Variants in LTN1 observed in about 807,000 individuals in gnomAD.
LTN1 encodes listerin E3 ubiquitin protein ligase 1.
Under a neutral mutation model 201.2 loss-of-function variants are expected in LTN1, and 88 were observed. The ratio of observed to expected loss-of-function variants is 0.44; its 90% CI spans 0.37 to 0.52. LTN1 has a LOEUF of 0.52. Ranked by LOEUF, LTN1 falls within the 20% of genes least tolerant of loss-of-function variation. The pLI, the probability that LTN1 is intolerant of heterozygous loss-of-function variation, is 0.00. For synonymous variants in LTN1, 645 were observed against 713.5 expected, an observed-to-expected ratio of 0.90 and a Z score of 1.53; for missense variants, 1,752 against 2,038.7, an observed-to-expected ratio of 0.86 and a Z score of 2.71.
At chr21:28,934,507 G>A (rs910487639) in intron 27 of LTN1, among the ~76,000 whole-genome samples, 7 of 152,078 alleles carry the variant, frequency 4.6e-5, no homozygotes, top group African/African-American at 7.2e-5. Context: ...ACACCTCCCC[G>A]CCTCTCTCCC....
At position 28,944,421 on chromosome 21, in the gene LTN1, A is replaced by T; in HGVS notation, c.3944T>A (p.Ile1315Asn). 2 of 1,613,952 alleles carry T rather than the reference A, an allele frequency of 1.2e-6. No homozygotes were observed. The change falls in exon 22 of 30, where the codon ATC (isoleucine) becomes AAC (asparagine). Residue 1315 changes from isoleucine to asparagine, a missense_variant. Ile to Asn is a moderately radical substitution (Grantham distance 149). Coordinates refer to ENST00000361371, the MANE Select transcript of LTN1 (RefSeq NM_015565.3). ...SEWKEFFSQG[I>N]HSLLLPILVT... ...CAAAATAGGTAAAAGCAAACTGTGG[A>T]TGCCTTGGGAAAAAAATTCTTTCCA...
chr21:28,965,990 C>T, intron 10 of LTN1, 84 bp from the exon 11 acceptor site: 1 of 857,534 alleles, frequency 1.2e-6, no homozygotes, highest in Middle Eastern at 2.3e-4. Context: ...CCAGGCTAGT[C>T]TAGAACTCAT....
At chr21:28,958,277 G>A (rs2084443006) in intron 14 of LTN1, 109 bp downstream of exon 14, 4 of 1,009,814 alleles carry the variant, frequency 4.0e-6, no homozygotes, top group Admixed American at 2.8e-5. Flanking sequence ...TTATAGGGAC[G>A]AGCCCTACAA....
At chr21:28,954,163 T>C (rs2084406120) in intron 16 of LTN1, among the ~76,000 whole-genome samples, 1 of 152,232 alleles carries the variant, frequency 6.6e-6, no homozygotes, top group South Asian at 2.1e-4. Context: ...AAATTATTAC[T>C]CTACTTACTA....
intron 14 of LTN1, 147 bp downstream of exon 14, chr21:28,958,239 C>T (rs2084442506): frequency 3.0e-6 from 2 of 669,652 alleles, no homozygotes; most frequent in Middle Eastern, 2.7e-4. Context: ...AACTGATCCT[C>T]CCACCTCAGC....
intron 25 of LTN1, 73 bp from the exon 26 acceptor site, chr21:28,936,770 T>C: frequency 8.6e-7 from 1 of 1,157,808 alleles, no homozygotes; most frequent in Non-Finnish European, 1.2e-6. Context: ...CAACTCAAAG[T>C]GTAACAAATT....
At chr21:28,930,641 G>A (rs990422552) in intron 29 of LTN1, 131 bp from the exon 30 acceptor site, 3 of 549,134 alleles carry the variant, frequency 5.5e-6, no homozygotes, top group African/African-American at 2.0e-5. Context: ...TAAAATTTTT[G>A]CTCTTTCTGT....
At chr21:28,936,729 C>A in intron 25 of LTN1, 32 bp from the exon 26 acceptor site, 2 of 1,540,014 alleles carry the variant, frequency 1.3e-6, no homozygotes, top group Non-Finnish European at 1.8e-6. Context: ...GTTAGTAAAC[C>A]AAATACACCA....
chr21:28,977,939 A>C (rs964624949), intron 6 of LTN1, among the ~76,000 whole-genome samples: 1 of 152,112 alleles, frequency 6.6e-6, no homozygotes, highest in Non-Finnish European at 1.5e-5. Context: ...AAAAAAAAAA[A>C]AGACATATCA....
At chr21:28,980,963 A>G (rs1226188683) in intron 6 of LTN1, among the ~76,000 whole-genome samples, 156 bp downstream of exon 6, 1 of 152,236 alleles carries the variant, frequency 6.6e-6, no homozygotes, top group Admixed American at 6.5e-5. Flanking sequence ...AAAACAGAGT[A>G]ACATTCTAGT....
rs2084196601 is a variant in LTN1 at position 28,929,773 on chromosome 21, G to A, written c.*675C>T. 6.6e-6 allele frequency: 1 copy of A among 151,928 alleles called. No homozygotes were observed. The highest frequency in any genetic ancestry group is 1.5e-5 in the Non-Finnish European group (1 of 67,982). 9.4% of individuals were successfully genotyped at this position (151,928 alleles called of 1,614,324 possible). The stretch of plus-strand genomic sequence containing the variant: ...ACAATTCAAATTTCACTAATATATA[G>A]AAATAATTCTCCCACAAGCAAAAAG... On this transcript the variant is annotated 3_prime_UTR_variant, in exon 30 of 30. Coordinates refer to ENST00000361371, the MANE Select transcript of LTN1 (RefSeq NM_015565.3).
chr21:28,931,585 T>C (rs2146251152), intron 28 of LTN1, among the ~76,000 whole-genome samples: 2 of 152,366 alleles, frequency 1.3e-5, no homozygotes, highest in South Asian at 4.1e-4. Context: ...AGCTTGTTGC[T>C]TGATAAAACT....
chr21:28,946,713 CA>C (rs1284895513), intron 19 of LTN1, among the ~76,000 whole-genome samples: 1 of 152,176 alleles, frequency 6.6e-6, no homozygotes, highest in Non-Finnish European at 1.5e-5. Context: ...GCAGCTAGTA[CA>C]TGTGGTAAAC....
intron 13 of LTN1, 81 bp downstream of exon 13, chr21:28,959,377 A>G: frequency 2.0e-6 from 3 of 1,477,932 alleles, no homozygotes; most frequent in Non-Finnish European, 2.7e-6. Flanking sequence ...TAATTCAATT[A>G]ATAAAGCCTG....
At chr21:28,933,673 C>T (rs983439590) in intron 27 of LTN1, among the ~76,000 whole-genome samples, 19 of 148,726 alleles carry the variant, frequency 1.3e-4, no homozygotes, top group Non-Finnish European at 1.8e-4. Flanking sequence ...CTCTCTCTCT[C>T]TCTCTTTTTT....
In LTN1 at chr21:28,935,182, T is replaced by C; in HGVS notation, c.4802A>G (p.Tyr1601Cys). ...TTGAAAAGAAAGAACACTGCTGACA[T>C]ACTTGCTTGTAAATCTATCCACAAT... ...FNIVDRFTSK[Y>C]VSSVLSFQEI... is the part of the protein sequence containing the mutation. Residue 1601 changes from tyrosine (Y) to cysteine (C), a missense_variant, in exon 27 of 30, where the codon TAT becomes TGT. By Grantham distance (194) the Tyr-to-Cys change is radical (BLOSUM62 -2). Transcript: ENST00000361371. The C allele has an allele frequency of 1.2e-6, 2 of 1,613,668 alleles. No homozygotes were observed. The highest frequency in any genetic ancestry group is 1.3e-5 in the African/African-American group (1 of 75,052).
chr21:28,991,290 CAAA>C (rs11326324), intron 1 of LTN1, among the ~76,000 whole-genome samples: 6 of 137,496 alleles, frequency 4.4e-5, no homozygotes, highest in Non-Finnish European at 4.7e-5. Context: ...CCCTGTCTTA[CAAA>C]AAAAAAAAAA....
intron 6 of LTN1, among the ~76,000 whole-genome samples, chr21:28,976,768 T>C (rs2084618503): frequency 6.6e-6 from 1 of 152,210 alleles, no homozygotes; most frequent in East Asian, 1.9e-4. Flanking sequence ...GAATTTGTTT[T>C]GTTGAGACAG....
chr21:28,965,409 T>C (rs1301270104), intron 11 of LTN1, among the ~76,000 whole-genome samples: 1 of 152,206 alleles, frequency 6.6e-6, no homozygotes, highest in African/African-American at 2.4e-5. Context: ...TCTTAGTCAG[T>C]GGCAATCACA....
Sources: allele counts gnomAD v4.1 joint callset (sites outside exome capture counted in the v4.1 genomes callset), GRCh38; gene constraint gnomAD v4.1.1; transcripts MANE v1.5; gene names NCBI Gene and HGNC (gene_info 2026-07-23, HGNC 2026-07-21).